HHLA2: variants seen among roughly 807,000 people sequenced by gnomAD.
HHLA2 encodes HERV-H LTR-associating protein 2.
A neutral mutation model predicts 45.9 loss-of-function variants in HHLA2; 48 were observed. That is an observed-to-expected ratio of 1.05 (90% CI 0.83 to 1.33). The LOEUF is 1.33. Ranked by LOEUF, HHLA2 falls within the 40% of genes most tolerant of loss-of-function variation. The probability of loss-of-function intolerance (pLI) is 0.00; values close to 1 mark genes in which losing one functional copy is unlikely to be tolerated. For synonymous variants in HHLA2, 161 were observed against 173.9 expected (o/e 0.93, Z 0.59); for missense variants, 462 against 494.3 (o/e 0.93, Z 0.62).
chr3:108,368,247 C>CA (rs780704966), intron 8 of HHLA2, among the ~76,000 whole-genome samples: 4 of 151,636 alleles, frequency 2.6e-5, no homozygotes, highest in Non-Finnish European at 4.4e-5. Context: ...CCAGCCACTG[C>CA]AAAAAAACAC....
chr3:108,377,790 C>T (rs569282617), exon 11 of HHLA2: 5 of 152,878 alleles, frequency 3.3e-5, no homozygotes, highest in African/African-American at 4.8e-5. Flanking sequence ...GTAACCAACT[C>T]GATTTGGGAT....
chr3:108,324,972 G>A (rs1000995213), intron 2 of HHLA2, among the ~76,000 whole-genome samples: 2 of 151,790 alleles, frequency 1.3e-5, no homozygotes, highest in Non-Finnish European at 2.9e-5. Context: ...ACTTTTCATG[G>A]GCAATGAAAA....
intron 1 of HHLA2, among the ~76,000 whole-genome samples, chr3:108,306,438 G>A (rs888375277): frequency 6.6e-6 from 1 of 152,094 alleles, no homozygotes; most frequent in Non-Finnish European, 1.5e-5. Context: ...AAATAATGCT[G>A]TCCTTGAAGT....
intron 1 of HHLA2, among the ~76,000 whole-genome samples, chr3:108,303,539 A>T (rs1162794335): frequency 6.6e-6 from 1 of 152,114 alleles, no homozygotes; most frequent in East Asian, 1.9e-4. Context: ...TGTTGTGTAC[A>T]TATGCTGGTC....
At chr3:108,327,736 T>C (rs2081310961) in intron 2 of HHLA2, among the ~76,000 whole-genome samples, 1 of 152,244 alleles carries the variant, frequency 6.6e-6, no homozygotes, top group South Asian at 2.1e-4. Context: ...ATCTAAAAAC[T>C]AACATCTGAA....
At chr3:108,353,068 T>C (rs1017783779) in intron 4 of HHLA2, among the ~76,000 whole-genome samples, 1 of 152,220 alleles carries the variant, frequency 6.6e-6, no homozygotes. Context: ...AGGAGTTAAA[T>C]GTGAATGTGT....
Position 108,362,431 on chromosome 3 carries a change from G to A in HHLA2, c.1093G>A (p.Val365Ile), listed in dbSNP as rs550836375. 159 of 1,607,002 alleles carry A rather than the reference G, an allele frequency of 9.9e-5. No individual in the cohort carries two copies. The South Asian group carries it at 1.2e-3, about 12-fold the overall frequency. The change falls in exon 8 of 11, where the codon GTA (valine) becomes ATA (isoleucine). Residue 365 changes from valine (V) to isoleucine (I), a missense_variant. Physicochemically the swap from Val to Ile is conservative, Grantham distance 29. Coordinates refer to ENST00000619531, the Ensembl canonical transcript of HHLA2. ...GGCAGCTTTTCTGCTGATTTGGAGCGTAAAATGTTGCAGAGGTAATAGAAG... is the reference window on the plus strand; with the variant it reads ...GGCAGCTTTTCTGCTGATTTGGAGCATAAAATGTTGCAGAGGTAATAGAAG...
At chr3:108,347,875 G>C (rs1181411514) in intron 3 of HHLA2, among the ~76,000 whole-genome samples, 2 of 152,146 alleles carry the variant, frequency 1.3e-5, no homozygotes, top group Non-Finnish European at 2.9e-5. Context: ...ACAACTGGAA[G>C]AATTTGGTAC....
chr3:108,318,710 G>A (rs1368389881), intron 2 of HHLA2, among the ~76,000 whole-genome samples: 1 of 152,062 alleles, frequency 6.6e-6, no homozygotes, highest in Non-Finnish European at 1.5e-5. Context: ...TACTCATGCT[G>A]TCAAATATTT....
At chr3:108,357,008 G>A (rs1229890156) in intron 6 of HHLA2, among the ~76,000 whole-genome samples, 1 of 152,206 alleles carries the variant, frequency 6.6e-6, no homozygotes, top group Non-Finnish European at 1.5e-5. Flanking sequence ...TGGATCAAGA[G>A]ATGAACCTGG....
At chr3:108,371,803 C>G (rs978075696) in intron 8 of HHLA2, among the ~76,000 whole-genome samples, 10 of 152,192 alleles carry the variant, frequency 6.6e-5, no homozygotes, top group African/African-American at 2.4e-4. Flanking sequence ...GCACCCAATA[C>G]AGGAGCACCC....
intron 4 of HHLA2, 53 bp from the exon 4 acceptor site, chr3:108,353,374 G>GA: frequency 1.7e-6 from 2 of 1,210,026 alleles, no homozygotes; most frequent in South Asian, 2.9e-5. Context: ...GTATAATCCT[G>GA]AACAAGCACA....
chr3:108,375,255 C>T (rs538269948), intron 8 of HHLA2, among the ~76,000 whole-genome samples: 7 of 149,440 alleles, frequency 4.7e-5, no homozygotes, highest in African/African-American at 1.7e-4. Context: ...GGCATATTCT[C>T]ACTCATAGGT....
intron 6 of HHLA2, among the ~76,000 whole-genome samples, chr3:108,356,029 C>CTT (rs3053487): frequency 0.2 from 23,551 of 118,072 alleles, 3,493 homozygotes; most frequent in Non-Finnish European, 0.24. Flanking sequence ...ATTTGTTTTC[C>CTT]TTTTTTTTTT....
intron 3 of HHLA2, among the ~76,000 whole-genome samples, chr3:108,347,303 T>C (rs933255037): frequency 1.3e-5 from 2 of 152,322 alleles, no homozygotes; most frequent in African/African-American, 4.8e-5. Context: ...AGATGATAAA[T>C]GGGTTACTGT....
intron 8 of HHLA2, among the ~76,000 whole-genome samples, chr3:108,373,174 A>G (rs2082210565): frequency 6.6e-6 from 1 of 152,248 alleles, no homozygotes; most frequent in Non-Finnish European, 1.5e-5. Flanking sequence ...CTGGTTCAAC[A>G]TATGAAAATC....
rs559624056 is a variant in HHLA2 at position 108,362,334 on chromosome 3, T to A, written c.1004-8T>A. 2.5e-5 allele frequency: 40 copies of A among 1,600,720 alleles called. No individual in the cohort carries two copies. In the African/African-American group the frequency reaches 4.4e-4, roughly 18 times the overall value. On this transcript the variant is annotated splice_polypyrimidine_tract_variant and splice_region_variant and intron_variant, in intron 7 of 10. Transcript: ENST00000619531. ...TTCACAGACTTTGTTTCTCCTTTTTTTTTTTAGAACCGAGCCAAGAAACAG... is the reference window on the plus strand; with the variant it reads ...TTCACAGACTTTGTTTCTCCTTTTTATTTTTAGAACCGAGCCAAGAAACAG...
intron 2 of HHLA2, chr3:108,325,829 C>T: frequency 2.9e-6 from 1 of 342,432 alleles, no homozygotes; most frequent in Non-Finnish European, 5.6e-6. Flanking sequence ...CCTACCAAAA[C>T]TACCTCCACG....
chr3:108,335,659 T>C (rs553286689), intron 3 of HHLA2, among the ~76,000 whole-genome samples: 1 of 152,226 alleles, frequency 6.6e-6, no homozygotes, highest in South Asian at 2.1e-4. Flanking sequence ...ATCCAGAACA[T>C]GAGACAGTTA....
Sources: allele counts gnomAD v4.1 joint callset (sites outside exome capture counted in the v4.1 genomes callset), GRCh38; gene constraint gnomAD v4.1.1; transcripts MANE v1.5; gene names NCBI Gene and HGNC (gene_info 2026-07-23, HGNC 2026-07-21).